MGA: variants seen among roughly 807,000 people sequenced by gnomAD.
MGA encodes MAX dimerization protein MGA.
In MGA, 40 loss-of-function variants were observed where a neutral mutation model predicts 261.1. The observed-to-expected ratio is 0.15, with a 90% confidence interval of 0.12 to 0.20. MGA has a LOEUF of 0.20. Ranked by LOEUF, MGA falls within the 10% of genes least tolerant of loss-of-function variation. MGA has a pLI of 1.00. For synonymous variants in MGA, 1,302 were observed against 1,290.6 expected, an observed-to-expected ratio of 1.01 and a Z score of -0.19; for missense variants, 3,397 against 3,630.5, an observed-to-expected ratio of 0.94 and a Z score of 1.65.
intron 9 of MGA, among the ~76,000 whole-genome samples, chr15:41,718,120 T>G (rs2060735820): frequency 1.3e-5 from 2 of 151,682 alleles, no homozygotes; most frequent in South Asian, 2.1e-4. Context: ...GAAATTTGAT[T>G]TAGATATGAA....
chr15:41,632,854 A>G (rs936119914), intron 1 of MGA, among the ~76,000 whole-genome samples: 1 of 151,048 alleles, frequency 6.6e-6, no homozygotes, highest in African/African-American at 2.5e-5. Context: ...TTGCTAGATA[A>G]CAGCACAAAA....
At chr15:41,655,952 C>T (rs185902041), upstream of MGA, among the ~76,000 whole-genome samples, 1,240 of 152,308 alleles carry the variant, frequency 8.1e-3, 14 homozygotes, top group Non-Finnish European at 0.014. Context: ...AAATGAGGAT[C>T]TGTGGTCTTC....
In MGA at chr15:41,666,054, C is replaced by G. The variant is rs960702916; in HGVS notation, c.-67-2774C>G. ...CTGCCTCAGCCTCCTGGCCACCATA[C>G]CTGCTATTTTTTTTTTTTTTTTGGT... On this transcript the variant is annotated intron_variant, in intron 1 of 23. Transcript: ENST00000219905. 2.2e-5 allele frequency among the ~76,000 whole-genome samples: 3 copies of G among 137,458 alleles called. No individual in the cohort carries two copies. In the East Asian group the frequency reaches 6.7e-4, roughly 31 times the overall value. 90.2% of individuals were successfully genotyped at this position (137,458 alleles called of 152,430 possible). A position where few individuals can be genotyped will look rare whatever the true frequency, so the allele number is the denominator to read the frequency against.
chr15:41,709,184 A>C (rs2060262188), intron 7 of MGA, among the ~76,000 whole-genome samples: 1 of 151,830 alleles, frequency 6.6e-6, no homozygotes, highest in African/African-American at 2.4e-5. Flanking sequence ...CCCTCTCTAC[A>C]AAAAAATGCA....
At chr15:41,755,378 T>C (rs2063088253) in intron 18 of MGA, among the ~76,000 whole-genome samples, 1 of 152,234 alleles carries the variant, frequency 6.6e-6, no homozygotes, top group African/African-American at 2.4e-5. Context: ...TGCAGGCTAC[T>C]TCAGTTACCT....
chr15:41,750,728 G>C, intron 17 of MGA, 113 bp downstream of exon 17: 2 of 975,826 alleles, frequency 2.0e-6, no homozygotes, highest in East Asian at 2.6e-5. Flanking sequence ...TGGATGCCTA[G>C]GTTTAAGATT....
chr15:41,722,722 ATGGTG>A (rs1307547221), intron 9 of MGA, among the ~76,000 whole-genome samples: 1 of 152,202 alleles, frequency 6.6e-6, no homozygotes, highest in African/African-American at 2.4e-5. Flanking sequence ...GAAGAGGAGC[ATGGTG>A]TGTTAGTGTG....
intron 19 of MGA, among the ~76,000 whole-genome samples, chr15:41,759,680 C>T (rs1393137771): frequency 1.3e-5 from 2 of 152,002 alleles, no homozygotes. Flanking sequence ...GGCTTTAAGC[C>T]TTTCTGGGGA....
chr15:41,692,643 A>T (rs1018880747), intron 2 of MGA, among the ~76,000 whole-genome samples: 48 of 152,162 alleles, frequency 3.2e-4, no homozygotes, highest in African/African-American at 1.1e-3. Flanking sequence ...TCTCATGGTT[A>T]TGGCAAAAGT....
At chr15:41,694,015 T>C (rs1272967723) in intron 2 of MGA, among the ~76,000 whole-genome samples, 2 of 152,080 alleles carry the variant, frequency 1.3e-5, no homozygotes, top group Non-Finnish European at 2.9e-5. Context: ...AGAAATATTC[T>C]GGGGGGAAAA....
At chr15:41,759,818 C>T (rs957244227) in intron 19 of MGA, among the ~76,000 whole-genome samples, 1 of 151,912 alleles carries the variant, frequency 6.6e-6, no homozygotes, top group Non-Finnish European at 1.5e-5. Flanking sequence ...AGGTAAAAAG[C>T]CTGTGTAATG....
At chr15:41,622,279 C>T (rs1304321155) in intron 1 of MGA, among the ~76,000 whole-genome samples, 1 of 152,126 alleles carries the variant, frequency 6.6e-6, no homozygotes, top group African/African-American at 2.4e-5. Context: ...TCATTCAGCT[C>T]GGTAGAGGAG....
At chr15:41,626,228 T>C (rs930254101) in intron 1 of MGA, among the ~76,000 whole-genome samples, 1 of 151,750 alleles carries the variant, frequency 6.6e-6, no homozygotes, top group Non-Finnish European at 1.5e-5. Context: ...AAGCTAATGG[T>C]GACATTTTTA....
chr15:41,739,075 A>G (rs761505148), intron 13 of MGA, among the ~76,000 whole-genome samples: 2 of 152,112 alleles, frequency 1.3e-5, no homozygotes, highest in African/African-American at 4.8e-5. Flanking sequence ...TTGCCTGGCA[A>G]TATGACCTAG....
chr15:41,751,500 G>T (rs1309118622), intron 17 of MGA: 1 of 152,070 alleles, frequency 6.6e-6, no homozygotes, highest in African/African-American at 2.4e-5. Context: ...GAGGTGGGTG[G>T]ATCACCTGAC....
At chr15:41,759,438 ATGTG>A (rs58952352) in intron 19 of MGA, among the ~76,000 whole-genome samples, 25 of 134,778 alleles carry the variant, frequency 1.9e-4, no homozygotes, top group Admixed American at 1.5e-4. Flanking sequence ...GCTTCTTAAT[ATGTG>A]TGTGTGTGTG....
intron 11 of MGA, among the ~76,000 whole-genome samples, chr15:41,732,393 G>A (rs1454841682): frequency 1.3e-5 from 2 of 152,116 alleles, no homozygotes; most frequent in Non-Finnish European, 2.9e-5. Context: ...CGTGATCCGC[G>A]CACCTCAGCC....
At chr15:41,642,895 C>T (rs1320227690) in intron 1 of MGA, among the ~76,000 whole-genome samples, 1 of 151,598 alleles carries the variant, frequency 6.6e-6, no homozygotes, top group Non-Finnish European at 1.5e-5. Flanking sequence ...CAGGCGTGAG[C>T]CACCATGCCT....
chr15:41,713,584 C>A (rs973116958), intron 9 of MGA, 88 bp downstream of exon 9: 4 of 1,379,574 alleles, frequency 2.9e-6, no homozygotes, highest in Non-Finnish European at 3.8e-6. Context: ...ACCTTAATCC[C>A]GATCAATTAT....
Sources: allele counts gnomAD v4.1 joint callset (sites outside exome capture counted in the v4.1 genomes callset), GRCh38; gene constraint gnomAD v4.1.1; transcripts MANE v1.5; gene names NCBI Gene and HGNC (gene_info 2026-07-23, HGNC 2026-07-21).